FOCAD: variants seen among roughly 807,000 people sequenced by gnomAD.
The protein encoded by FOCAD is focadhesin, also known as KIAA1797.
FOCAD carries 198 observed loss-of-function variants against 225.6 expected under a neutral mutation model. The observed-to-expected ratio is 0.88, with a 90% CI of 0.78 to 0.99. The LOEUF is 0.99. Among genes scored for constraint, FOCAD ranks in the 50% least tolerant of loss-of-function variants. FOCAD has a pLI of 0.00. For missense variants in FOCAD, 2,713 were observed against 2,123.6 expected (o/e 1.28, Z -5.46); for synonymous variants, 897 against 755.0 (o/e 1.19, Z -3.08).
At chr9:20,680,211 A>G (rs993716043), upstream of FOCAD, among the ~76,000 whole-genome samples, 1 of 152,248 alleles carries the variant, frequency 6.6e-6, no homozygotes, top group South Asian at 2.1e-4. Context: ...TAGGTGGACT[A>G]TTAGAACCTG....
rs141735598 is a variant in FOCAD, at chr9:20,981,581, C to T, written c.4533C>T (p.His1511=). 150 of 1,614,024 alleles carry T rather than the reference C, an allele frequency of 9.3e-5. No homozygotes were observed. Among genetic ancestry groups the T allele is most frequent in the African/African-American group, 2.7e-4 (20 of 75,038 alleles). ...CTGAGCTATGCCCAAGTGCTTTACACGGTCTGAGCCAGGCCATGAAACTGC... is the reference window on the plus strand; with the variant it reads ...CTGAGCTATGCCCAAGTGCTTTACATGGTCTGAGCCAGGCCATGAAACTGC... The part of the protein sequence containing the change: ...GSPELCPSAL[H]GLSQAMKLPS... The change falls in exon 38 of 44, where the codon CAC becomes CAT. Residue 1511 remains histidine, a synonymous_variant. Coordinates refer to ENST00000338382, the MANE Select transcript of FOCAD (RefSeq NM_001375567.1).
At chr9:20,765,436 T>C (rs1294443864) in intron 7 of FOCAD, among the ~76,000 whole-genome samples, 2 of 151,320 alleles carry the variant, frequency 1.3e-5, no homozygotes, top group East Asian at 1.9e-4. Context: ...TCTGTGCACA[T>C]TGGAAAAAAA....
At chr9:20,901,550 A>C (rs1289157962) in intron 21 of FOCAD, among the ~76,000 whole-genome samples, 2 of 151,778 alleles carry the variant, frequency 1.3e-5, no homozygotes, top group African/African-American at 4.8e-5. Context: ...AAGATCACTC[A>C]AGAGGTGGAA....
chr9:20,693,256 A>G (rs1037154053), intron 1 of FOCAD, among the ~76,000 whole-genome samples: 4 of 151,784 alleles, frequency 2.6e-5, no homozygotes, highest in Admixed American at 6.6e-5. Flanking sequence ...TGGCACTGCT[A>G]CTCTTTCCGC....
chr9:20,840,752 C>A lies in FOCAD; in HGVS notation c.1920+17637C>A, dbSNP rs531499324. Among the ~76,000 whole-genome samples, 10 of 151,768 alleles carry A rather than the reference C, an allele frequency of 6.6e-5. No homozygotes were observed. In the East Asian group the frequency reaches 1.9e-3, roughly 29 times the overall value. Reference sequence around the variant, plus strand: ...AATTGCTCTAGCTAGGACTTCAGTTCTATGTTGAATAACACTAGTGAAAAT... The same window carrying A: ...AATTGCTCTAGCTAGGACTTCAGTTATATGTTGAATAACACTAGTGAAAAT... On this transcript the variant is annotated intron_variant, in intron 15 of 43. Transcript: ENST00000338382.
intron 23 of FOCAD, among the ~76,000 whole-genome samples, chr9:20,913,198 A>G (rs1368247947): frequency 6.6e-6 from 1 of 150,398 alleles, no homozygotes; most frequent in Non-Finnish European, 1.5e-5. Flanking sequence ...ACGTTCTAAA[A>G]CAATGTGGAA....
intron 11 of FOCAD, among the ~76,000 whole-genome samples, chr9:20,805,494 A>G (rs957972179): frequency 3.9e-5 from 6 of 152,226 alleles, no homozygotes; most frequent in African/African-American, 1.2e-4. Flanking sequence ...AGTGATCAGC[A>G]ATAACATTGC....
intron 11 of FOCAD, among the ~76,000 whole-genome samples, chr9:20,812,852 TC>T (rs1286701532): frequency 6.6e-6 from 1 of 152,164 alleles, no homozygotes; most frequent in Non-Finnish European, 1.5e-5. Flanking sequence ...TAAAAAACAA[TC>T]CCAGGATTTT....
chr9:20,796,762 G>C (rs1821159833), intron 11 of FOCAD, among the ~76,000 whole-genome samples: 1 of 152,006 alleles, frequency 6.6e-6, no homozygotes, highest in Non-Finnish European at 1.5e-5. Flanking sequence ...CCATTCTGTA[G>C]GTTGCCTGTT....
At chr9:20,838,094 A>G (rs1368569863) in intron 15 of FOCAD, among the ~76,000 whole-genome samples, 1 of 152,128 alleles carries the variant, frequency 6.6e-6, no homozygotes, top group Non-Finnish European at 1.5e-5. Context: ...AATGCAATGT[A>G]TACCTTTTCT....
intron 15 of FOCAD, among the ~76,000 whole-genome samples, chr9:20,829,327 C>G (rs1159277440): frequency 1.3e-5 from 2 of 152,028 alleles, no homozygotes; most frequent in Non-Finnish European, 2.9e-5. Flanking sequence ...TAATTGCCAT[C>G]CTGACTGGCA....
At chr9:20,919,863 A>G (rs1407789714) in intron 24 of FOCAD, among the ~76,000 whole-genome samples, 1 of 152,020 alleles carries the variant, frequency 6.6e-6, no homozygotes, top group Admixed American at 6.6e-5. Flanking sequence ...AAAACCCTAG[A>G]AGAAAACCTA....
intron 21 of FOCAD, among the ~76,000 whole-genome samples, chr9:20,898,730 A>G (rs1832315224): frequency 6.6e-6 from 1 of 151,848 alleles, no homozygotes; most frequent in South Asian, 2.1e-4. Flanking sequence ...TGGTTCTGAT[A>G]TGTGCTCTGT....
intron 2 of FOCAD, among the ~76,000 whole-genome samples, chr9:20,661,492 G>A (rs10964648): frequency 2.0e-4 from 30 of 152,250 alleles, no homozygotes; most frequent in Non-Finnish European, 4.0e-4. Context: ...TGGTTGGGAG[G>A]CAGTTGTTCA....
intron 14 of FOCAD, among the ~76,000 whole-genome samples, chr9:20,822,373 T>G (rs1429153113): frequency 6.6e-6 from 1 of 152,046 alleles, no homozygotes; most frequent in African/African-American, 2.4e-5. Context: ...GGAATAGACT[T>G]GCATAACCAT....
chr9:20,724,087 G>A (rs534056529), intron 4 of FOCAD, among the ~76,000 whole-genome samples: 16 of 152,220 alleles, frequency 1.1e-4, no homozygotes, highest in East Asian at 3.9e-4. Flanking sequence ...ATTCATAAGG[G>A]ATCTGCCTCC....
chr9:20,984,992 G>C (rs947653458), intron 39 of FOCAD, among the ~76,000 whole-genome samples: 1 of 152,086 alleles, frequency 6.6e-6, no homozygotes, highest in Non-Finnish European at 1.5e-5. Context: ...GTAGAGACAG[G>C]GTTTTACCAT....
At chr9:20,983,210 C>A (rs1357247970) in intron 39 of FOCAD, among the ~76,000 whole-genome samples, 1 of 152,074 alleles carries the variant, frequency 6.6e-6, no homozygotes, top group African/African-American at 2.4e-5. Flanking sequence ...CAGACGGAGC[C>A]CAGGAGTCTA....
intron 1 of FOCAD, among the ~76,000 whole-genome samples, chr9:20,698,353 A>C (rs1437868362): frequency 2.6e-5 from 4 of 151,918 alleles, no homozygotes; most frequent in Non-Finnish European, 5.9e-5. Context: ...CATTATATAT[A>C]CTATATGTGT....
Sources: allele counts gnomAD v4.1 joint callset (sites outside exome capture counted in the v4.1 genomes callset), GRCh38; gene constraint gnomAD v4.1.1; transcripts MANE v1.5; gene names NCBI Gene and HGNC (gene_info 2026-07-23, HGNC 2026-07-21).